The following TTC28 variants were observed in gnomAD, a reference collection of about 807,000 sequenced individuals.
TTC28 encodes the protein tetratricopeptide repeat domain 28.
A neutral mutation model predicts 198.0 loss-of-function variants in TTC28; 61 were observed. The observed-to-expected ratio is 0.31, with a 90% CI of 0.25 to 0.38. The LOEUF (loss-of-function observed/expected upper bound fraction) is 0.38, where lower values mean the gene tolerates loss of function less well. Among genes scored for constraint, TTC28 ranks in the 10% least tolerant of loss-of-function variants. The probability of loss-of-function intolerance (pLI) is 1.00; values close to 1 mark genes in which losing one functional copy is unlikely to be tolerated. For synonymous variants in TTC28, 1,171 were observed against 1,297.8 expected (o/e 0.90, Z 2.10); for missense variants, 2,678 against 3,164.0 (o/e 0.85, Z 3.69).
At chr22:28,246,498 A>T (rs1280798931) in intron 5 of TTC28, among the ~76,000 whole-genome samples, 2 of 152,152 alleles carry the variant, frequency 1.3e-5, no homozygotes, top group Non-Finnish European at 2.9e-5. Context: ...TTATATTGCT[A>T]CTTGTTTCAT....
intron 2 of TTC28, among the ~76,000 whole-genome samples, chr22:28,483,121 A>C (rs971946048): frequency 6.6e-5 from 10 of 152,210 alleles, no homozygotes; most frequent in Admixed American, 5.9e-4. Context: ...TTTTTGAGGA[A>C]TGGCCGAGCT....
intron 2 of TTC28, among the ~76,000 whole-genome samples, chr22:28,339,573 C>T (rs1041415302): frequency 4.6e-5 from 7 of 152,210 alleles, no homozygotes; most frequent in Non-Finnish European, 8.8e-5. Context: ...TGTTTACCTA[C>T]TCAAGCCTTG....
chr22:28,163,565 A>C lies in TTC28; in HGVS notation c.968T>G (p.Val323Gly). Residue 323 changes from valine (V) to glycine (G), a missense_variant, in exon 6 of 23, where the codon GTG (valine) becomes GGG (glycine). By Grantham distance (109) the Val-to-Gly change is moderately radical. Around this residue, in one of 8 missense-constraint regions of TTC28, gnomAD observed 775 missense variants for 845.9 expected, o/e 0.92. Coordinates refer to ENST00000397906, the MANE Select transcript of TTC28 (RefSeq NM_001145418.2). ...ASSALSSLGH[V>G]YTAIGDYPNA... ...GGGGTAGTCTCCAATGGCTGTGTAC[A>C]CGTGGCCCAGACTGCTCAAGGCTGA... 2 of 1,550,608 alleles carry C rather than the reference A, an allele frequency of 1.3e-6. No individual in the cohort carries two copies. The highest frequency in any genetic ancestry group is 1.7e-6 in the Non-Finnish European group (2 of 1,146,430).
chr22:28,067,446 GA>G (rs1569117783), intron 12 of TTC28, among the ~76,000 whole-genome samples: 4 of 152,096 alleles, frequency 2.6e-5, no homozygotes. Flanking sequence ...ATGAAATACT[GA>G]AAATCCCAAT....
Position 28,163,595 on chromosome 22 carries a change from G to T in TTC28, c.938C>A (p.Ala313Asp). 1 of 1,526,068 alleles carries T rather than the reference G, an allele frequency of 6.6e-7. No homozygotes were observed. 94.5% of individuals were successfully genotyped at this position (1,526,068 alleles called of 1,614,324 possible). Residue 313 changes from alanine to aspartate, a missense_variant, in exon 6 of 23, where the codon GCT becomes GAT. By Grantham distance (126) the Ala-to-Asp change is moderately radical. Transcript: ENST00000397906. ...LAMKLKDREA[A>D]SSALSSLGHV... ...GCCCAGACTGCTCAAGGCTGATGAA[G>T]CTGCCTGGAGAGAAAAGGATAAAGT... is the stretch of plus-strand genomic sequence containing the variant.
intron 2 of TTC28, among the ~76,000 whole-genome samples, chr22:28,339,682 C>G (rs958691327): frequency 6.6e-6 from 1 of 152,224 alleles, no homozygotes; most frequent in Non-Finnish European, 1.5e-5. Context: ...GCGCAGGACC[C>G]TCCGAGCCAG....
chr22:27,997,552 C>T (rs138650), intron 16 of TTC28: 90,426 of 152,146 alleles, frequency 0.59, 28,134 homozygotes, highest in African/African-American at 0.78. Flanking sequence ...TGGATTTATG[C>T]TAAGAAAATA....
intron 2 of TTC28, among the ~76,000 whole-genome samples, chr22:28,334,349 T>A (rs1291524587): frequency 6.6e-6 from 1 of 152,170 alleles, no homozygotes; most frequent in Non-Finnish European, 1.5e-5. Context: ...TGTTTTATAA[T>A]CCTTTGGGTA....
intron 10 of TTC28, 66 bp downstream of exon 10, chr22:28,098,849 C>A: frequency 6.6e-7 from 1 of 1,509,450 alleles, no homozygotes; most frequent in Non-Finnish European, 8.9e-7. Context: ...ACAACTTGGA[C>A]ACATGGACGC....
At chr22:28,058,175 T>C (rs779689336) in intron 12 of TTC28, among the ~76,000 whole-genome samples, 19 of 152,084 alleles carry the variant, frequency 1.2e-4, no homozygotes, top group Non-Finnish European at 2.5e-4. Context: ...TCAACAGTAG[T>C]GTTGTGGCAT....
At position 28,632,225 on chromosome 22, in the gene TTC28, C is replaced by A. The variant is rs1403210064; in HGVS notation, c.103-2395G>T. ...AAACATTAAAGGATTCTGTAAGTTT[C>A]AAATATCAGTGTCCAAGTTATATTC... On this transcript the variant is annotated intron_variant, in intron 1 of 22. Transcript: ENST00000397906. Among the ~76,000 whole-genome samples, 3 of 129,108 alleles carry A rather than the reference C, an allele frequency of 2.3e-5. No homozygotes were observed. The Admixed American group carries it at 2.5e-4, about 11-fold the overall frequency. 84.7% of individuals were successfully genotyped at this position (129,108 alleles called of 152,430 possible).
At chr22:28,037,607 C>A (rs995570145) in intron 12 of TTC28, among the ~76,000 whole-genome samples, 9 of 152,174 alleles carry the variant, frequency 5.9e-5, no homozygotes, top group Non-Finnish European at 1.2e-4. Context: ...AAAACTGGCA[C>A]AAGACAGGGA....
At chr22:28,333,480 T>C (rs1176526587) in intron 2 of TTC28, among the ~76,000 whole-genome samples, 1 of 152,130 alleles carries the variant, frequency 6.6e-6, no homozygotes, top group Non-Finnish European at 1.5e-5. Context: ...AGAGAAAGCA[T>C]TTCAAGCAAT....
intron 13 of TTC28, among the ~76,000 whole-genome samples, chr22:28,019,336 C>T (rs1422607491): frequency 6.6e-6 from 1 of 152,218 alleles, no homozygotes; most frequent in Non-Finnish European, 1.5e-5. Context: ...TGTAGGCAAG[C>T]CCTCAACCCC....
At chr22:28,230,105 T>A (rs1172776325) in intron 5 of TTC28, among the ~76,000 whole-genome samples, 2 of 152,194 alleles carry the variant, frequency 1.3e-5, no homozygotes, top group Non-Finnish European at 2.9e-5. Flanking sequence ...GTAGTCTGCA[T>A]CCTGCAAGAG....
chr22:28,320,251 G>A (rs2045424536), intron 2 of TTC28, among the ~76,000 whole-genome samples: 1 of 151,708 alleles, frequency 6.6e-6, no homozygotes, highest in Admixed American at 6.6e-5. Flanking sequence ...AGAATGTTCA[G>A]GTAATTCTCT....
At position 27,981,612 on chromosome 22, in the gene TTC28, A is replaced by G. The variant is rs1387996334; in HGVS notation, c.*609T>C. 1 of 152,122 alleles carries G rather than the reference A, an allele frequency of 6.6e-6. No individual in the cohort carries two copies. The highest frequency in any genetic ancestry group is 2.4e-5 in the African/African-American group (1 of 41,422). 9.4% of individuals were successfully genotyped at this position (152,122 alleles called of 1,614,324 possible). A position where few individuals can be genotyped will look rare whatever the true frequency, so the allele number is the denominator to read the frequency against. ...AGTTCAGAATGGAAGCGCTGTTTCA[A>G]TGTGAATTATTGCATTGTTGCTGAG... On this transcript the variant is annotated 3_prime_UTR_variant, in exon 23 of 23. Coordinates refer to ENST00000397906, the MANE Select transcript of TTC28 (RefSeq NM_001145418.2).
chr22:28,357,315 A>ATTTTTTTT lies in TTC28; in HGVS notation c.382-50680_382-50673dup, dbSNP rs11415868. On this transcript the variant is annotated intron_variant, in intron 2 of 22. Coordinates refer to ENST00000397906, the MANE Select transcript of TTC28 (RefSeq NM_001145418.2). The stretch of plus-strand genomic sequence containing the variant: ...AGAAATCACTTTTATCAAATTTCTT[A>ATTTTTTTT]TTTTTTTTTTTTTTTTTTTTTGAGA... Among the ~76,000 whole-genome samples the ATTTTTTTT allele has an allele frequency of 3.4e-4, 39 of 113,462 alleles. 7 individuals carry two copies. Among genetic ancestry groups the ATTTTTTTT allele is most frequent in the East Asian group, 5.0e-4 (2 of 3,982 alleles). The allele number at this position is 113,462 out of a possible 152,430, so 74.4% of individuals were successfully genotyped here.
At chr22:28,395,450 G>C (rs538459853) in intron 2 of TTC28, among the ~76,000 whole-genome samples, 6 of 152,052 alleles carry the variant, frequency 3.9e-5, no homozygotes, top group African/African-American at 1.4e-4. Flanking sequence ...TGGCTAACGC[G>C]GTAAAACCCC....
Sources: gnomAD v4.1 joint callset for allele counts (sites outside exome capture counted in the v4.1 genomes callset) on GRCh38, gnomAD v4.1.1 for gene constraint, gnomAD v4.1.1 regional missense constraint, MANE v1.5 for transcripts, NCBI Gene and HGNC (gene_info 2026-07-23, HGNC 2026-07-21) for gene names.